Variants in VWC2L observed in about 807,000 individuals in gnomAD.
VWC2L encodes the protein von Willebrand factor C domain-containing protein 2-like.
VWC2L carries 10 observed loss-of-function variants against 21.6 expected under a neutral mutation model. That is an observed-to-expected ratio of 0.46 (90% CI 0.29 to 0.78). VWC2L has a LOEUF of 0.78. Ranked by LOEUF, VWC2L falls within the 30% of genes least tolerant of loss-of-function variation. The probability of loss-of-function intolerance (pLI) is 0.10; values close to 1 mark genes in which losing one functional copy is unlikely to be tolerated. For synonymous variants in VWC2L, 96 were observed against 94.3 expected (o/e 1.02, Z -0.10); for missense variants, 209 against 277.1 (o/e 0.75, Z 1.74).
intron 3 of VWC2L, among the ~76,000 whole-genome samples, chr2:214,487,086 T>C (rs1574592151): frequency 1.3e-5 from 2 of 152,318 alleles, no homozygotes; most frequent in South Asian, 4.1e-4. Flanking sequence ...ATGTCTTCCA[T>C]GTGAAGACAG....
At chr2:214,450,926 G>A (rs183089759) in intron 3 of VWC2L, among the ~76,000 whole-genome samples, 45 of 152,082 alleles carry the variant, frequency 3.0e-4, no homozygotes, top group Admixed American at 9.2e-4. Context: ...GTCCTATAAA[G>A]GGGAAATAAT....
At chr2:214,514,302 G>C (rs926417412) in intron 3 of VWC2L, among the ~76,000 whole-genome samples, 1 of 151,924 alleles carries the variant, frequency 6.6e-6, no homozygotes, top group Non-Finnish European at 1.5e-5. Context: ...AAAAGAAACA[G>C]AAAAGCAGCA....
At chr2:214,552,090 T>C (rs1574632389) in intron 3 of VWC2L, among the ~76,000 whole-genome samples, 1 of 152,378 alleles carries the variant, frequency 6.6e-6, no homozygotes, top group East Asian at 1.9e-4. Flanking sequence ...CTTGGAAGGC[T>C]ACTGCTGCTG....
chr2:214,459,441 C>T (rs1703106913), intron 3 of VWC2L, among the ~76,000 whole-genome samples: 3 of 152,110 alleles, frequency 2.0e-5, no homozygotes, highest in East Asian at 3.8e-4. Context: ...TTTCAGATTG[C>T]TTTGTATGTC....
chr2:214,491,146 A>T (rs1340119804), intron 3 of VWC2L, among the ~76,000 whole-genome samples: 2 of 152,196 alleles, frequency 1.3e-5, no homozygotes, highest in Non-Finnish European at 2.9e-5. Flanking sequence ...TCACTGAATT[A>T]TACACTTTAA....
intron 3 of VWC2L, among the ~76,000 whole-genome samples, chr2:214,455,923 TTTC>T (rs1386016880): frequency 6.6e-6 from 1 of 152,198 alleles, no homozygotes; most frequent in East Asian, 1.9e-4. Flanking sequence ...GATACCACAT[TTTC>T]TTTATTCATT....
chr2:214,448,238 A>T (rs2126183493), intron 3 of VWC2L, among the ~76,000 whole-genome samples: 1 of 152,354 alleles, frequency 6.6e-6, no homozygotes, highest in South Asian at 2.1e-4. Flanking sequence ...TATGTACAAC[A>T]CATTGTAGAT....
At chr2:214,522,227 T>G (rs994106947) in intron 3 of VWC2L, among the ~76,000 whole-genome samples, 1 of 151,870 alleles carries the variant, frequency 6.6e-6, no homozygotes, top group Non-Finnish European at 1.5e-5. Context: ...TACAAAAAAT[T>G]AGCCATGCGT....
At chr2:214,453,674 T>C (rs1259435941) in intron 3 of VWC2L, among the ~76,000 whole-genome samples, 1 of 152,132 alleles carries the variant, frequency 6.6e-6, no homozygotes, top group Non-Finnish European at 1.5e-5. Flanking sequence ...CTGTTTTCAA[T>C]GTACAGGCTT....
intron 3 of VWC2L, among the ~76,000 whole-genome samples, chr2:214,550,688 T>G (rs1446694739): frequency 6.6e-6 from 1 of 152,204 alleles, no homozygotes; most frequent in Admixed American, 6.5e-5. Context: ...TGTTTATATA[T>G]AAATATATGC....
At chr2:214,431,109 A>G (rs1022198968) in intron 2 of VWC2L, among the ~76,000 whole-genome samples, 1 of 152,220 alleles carries the variant, frequency 6.6e-6, no homozygotes, top group Admixed American at 6.5e-5. Flanking sequence ...TGTTGCATGC[A>G]AATTACCGGC....
At chr2:214,542,280 T>A (rs1256341732) in intron 3 of VWC2L, among the ~76,000 whole-genome samples, 1 of 152,168 alleles carries the variant, frequency 6.6e-6, no homozygotes, top group Non-Finnish European at 1.5e-5. Flanking sequence ...GAAGATGACA[T>A]AAACACCTCC....
chr2:214,555,514 G>C (rs1000456806), intron 3 of VWC2L, among the ~76,000 whole-genome samples: 1 of 152,020 alleles, frequency 6.6e-6, no homozygotes, highest in African/African-American at 2.4e-5. Context: ...TGCTATCTCT[G>C]GCACATATGA....
chr2:214,421,010 C>T (rs1469409651), intron 2 of VWC2L, among the ~76,000 whole-genome samples: 1 of 152,166 alleles, frequency 6.6e-6, no homozygotes. Context: ...TGGATATTCT[C>T]AATGGGGGAT....
At chr2:214,527,405 A>G (rs952487522) in intron 3 of VWC2L, among the ~76,000 whole-genome samples, 11 of 152,166 alleles carry the variant, frequency 7.2e-5, no homozygotes, top group African/African-American at 2.7e-4. Flanking sequence ...GTTGAAATAA[A>G]AAAATAAAAG....
At chr2:214,430,216 C>CTTTTT (rs10654111) in intron 2 of VWC2L, among the ~76,000 whole-genome samples, 99,653 of 151,462 alleles carry the variant, frequency 0.66, 34,385 homozygotes, top group African/African-American at 0.88. Flanking sequence ...AATGAGCAAA[C>CTTTTT]TTTACTTGAT....
At chr2:214,424,043 GA>G (rs1702481431) in intron 2 of VWC2L, among the ~76,000 whole-genome samples, 1 of 152,064 alleles carries the variant, frequency 6.6e-6, no homozygotes, top group South Asian at 2.1e-4. Flanking sequence ...TAAACTGGCT[GA>G]TGATCAATAT....
chr2:214,528,046 A>G (rs1689371841), intron 3 of VWC2L, among the ~76,000 whole-genome samples: 1 of 152,248 alleles, frequency 6.6e-6, no homozygotes, highest in Non-Finnish European at 1.5e-5. Context: ...GAGGAAACTG[A>G]AGCTCACATA....
At chr2:214,443,872 AAAG>A (rs1191152164) in intron 3 of VWC2L, among the ~76,000 whole-genome samples, 4 of 152,274 alleles carry the variant, frequency 2.6e-5, no homozygotes, top group African/African-American at 2.4e-5. Flanking sequence ...GGAAAATTGG[AAAG>A]AAGGAGGTAA....
Sources: allele counts gnomAD v4.1 joint callset (sites outside exome capture counted in the v4.1 genomes callset), GRCh38; gene constraint gnomAD v4.1.1; transcripts MANE v1.5; gene names NCBI Gene and HGNC (gene_info 2026-07-23, HGNC 2026-07-21).